The following TFAP2B variants were observed in gnomAD, a reference collection of about 807,000 sequenced individuals.
TFAP2B encodes the protein transcription factor AP-2 beta, also known as transcription factor AP-2-beta.
A neutral mutation model predicts 44.3 loss-of-function variants in TFAP2B; 9 were observed. That is an observed-to-expected ratio of 0.20 (90% CI 0.12 to 0.35). The LOEUF (loss-of-function observed/expected upper bound fraction) is 0.35. Among genes scored for constraint, TFAP2B ranks in the 10% least tolerant of loss-of-function variants. The pLI is 1.00. For synonymous variants in TFAP2B, 270 were observed against 263.8 expected, an observed-to-expected ratio of 1.02 and a Z score of -0.23; for missense variants, 509 against 600.0, an observed-to-expected ratio of 0.85 and a Z score of 1.59.
intron 2 of TFAP2B, among the ~76,000 whole-genome samples, chr6:50,826,676 G>T (rs1015891696): frequency 1.3e-5 from 2 of 151,760 alleles, no homozygotes; most frequent in African/African-American, 4.8e-5. Context: ...GGAGTGAAAG[G>T]ACACCTAGTT....
chr6:50,841,175 C>T (rs576532600), intron 6 of TFAP2B, among the ~76,000 whole-genome samples: 37 of 152,348 alleles, frequency 2.4e-4, no homozygotes, highest in Non-Finnish European at 4.9e-4. Context: ...TGCTTACAGA[C>T]CCTGGTTTGG....
intron 1 of TFAP2B, among the ~76,000 whole-genome samples, chr6:50,820,098 G>A (rs998313954): frequency 1.3e-5 from 2 of 152,214 alleles, no homozygotes; most frequent in Non-Finnish European, 2.9e-5. Flanking sequence ...GGCGAAGCGG[G>A]CCATGGAGAT....
intron 3 of TFAP2B, 89 bp from the exon 4 acceptor site, chr6:50,835,972 C>G: frequency 1.9e-6 from 2 of 1,054,044 alleles, no homozygotes; most frequent in Non-Finnish European, 3.0e-6. Context: ...GGTGTCTGTC[C>G]TGTGGCCTCA....
rs1581833538 is a variant in TFAP2B, at chr6:50,843,315, A to G, written c.1306A>G (p.Thr436Ala). ...KGMDKMFLNN[T>A]TTNRHTSGEG... ...CATGGACAAGATGTTCTTGAACAAC[A>G]CCACCACTAACAGGCACACGTCTGG... The change falls in exon 7 of 7, where the codon ACC becomes GCC. Residue 436 changes from threonine (T) to alanine (A), a missense_variant. Physicochemically the swap from Thr to Ala is moderately conservative, Grantham distance 58 (BLOSUM62 0). Coordinates refer to ENST00000393655, the MANE Select transcript of TFAP2B (RefSeq NM_003221.4). 1 of 1,614,076 alleles carries G rather than the reference A, an allele frequency of 6.2e-7. No individual in the cohort carries two copies. The highest frequency in any genetic ancestry group is 1.1e-5 in the South Asian group (1 of 91,094).
intron 3 of TFAP2B, 79 bp from the exon 4 acceptor site, chr6:50,835,982 A>G: frequency 8.5e-7 from 1 of 1,171,608 alleles, no homozygotes; most frequent in Non-Finnish European, 1.3e-6. Context: ...CTGTGGCCTC[A>G]CACAGAGACA....
At chr6:50,831,011 G>A (rs1015698828) in intron 3 of TFAP2B, among the ~76,000 whole-genome samples, 4 of 152,108 alleles carry the variant, frequency 2.6e-5, no homozygotes, top group African/African-American at 9.7e-5. Flanking sequence ...TAGGTTTGGG[G>A]GTCTCTGAGT....
chr6:50,842,014 C>G (rs535308981), intron 6 of TFAP2B, among the ~76,000 whole-genome samples: 1 of 152,346 alleles, frequency 6.6e-6, no homozygotes, highest in East Asian at 1.9e-4. Flanking sequence ...CCCTGTTTAC[C>G]TGTTGGCTAG....
intron 1 of TFAP2B, chr6:50,821,771 T>G (rs1770354577): frequency 4.4e-6 from 1 of 229,766 alleles, no homozygotes; most frequent in Admixed American, 5.1e-5. Flanking sequence ...GTAATATTAA[T>G]AGTCATGAAT....
chr6:50,832,230 G>T (rs893601397), intron 3 of TFAP2B, among the ~76,000 whole-genome samples: 10 of 152,132 alleles, frequency 6.6e-5, no homozygotes, highest in African/African-American at 1.9e-4. Flanking sequence ...CTCTTTCAAA[G>T]TCAGGTAGGT....
intron 2 of TFAP2B, among the ~76,000 whole-genome samples, chr6:50,826,903 T>A (rs1205748079): frequency 6.6e-6 from 1 of 152,166 alleles, no homozygotes; most frequent in Non-Finnish European, 1.5e-5. Context: ...GTCTGAGTTG[T>A]TTTTCTGCGC....
intron 1 of TFAP2B, chr6:50,822,079 A>C: frequency 8.3e-7 from 1 of 1,211,838 alleles, no homozygotes; most frequent in Non-Finnish European, 1.1e-6. Flanking sequence ...GGACTCCTTG[A>C]TTTTTTTTTT....
chr6:50,826,158 A>C (rs1263635994), intron 2 of TFAP2B, among the ~76,000 whole-genome samples: 1 of 152,140 alleles, frequency 6.6e-6, no homozygotes, highest in Non-Finnish European at 1.5e-5. Flanking sequence ...CAGCTATCGA[A>C]TGGGTGGCCT....
intron 2 of TFAP2B, among the ~76,000 whole-genome samples, chr6:50,826,589 G>GTA (rs1257077561): frequency 1.3e-5 from 2 of 150,888 alleles, no homozygotes; most frequent in African/African-American, 2.4e-5. Flanking sequence ...GCGCGCGCGT[G>GTA]TGTGTGTGTG....
At chr6:50,836,613 G>C (rs978426556) in intron 4 of TFAP2B, among the ~76,000 whole-genome samples, 14 of 152,296 alleles carry the variant, frequency 9.2e-5, no homozygotes, top group African/African-American at 3.1e-4. Context: ...GGACATCTCA[G>C]GGGGCATTCT....
intron 6 of TFAP2B, among the ~76,000 whole-genome samples, chr6:50,842,352 C>A (rs1762749744): frequency 6.6e-6 from 1 of 152,166 alleles, no homozygotes; most frequent in African/African-American, 2.4e-5. Context: ...GAAATAAAAA[C>A]CTTCAACAAA....
At chr6:50,822,315 G>C (rs1363644858) in intron 1 of TFAP2B, among the ~76,000 whole-genome samples, 3 of 152,004 alleles carry the variant, frequency 2.0e-5, no homozygotes, top group African/African-American at 7.3e-5. Flanking sequence ...ACCATAATTG[G>C]ACGAGGCTGC....
At chr6:50,829,075 CTCTT>C (rs1456493514) in intron 3 of TFAP2B, among the ~76,000 whole-genome samples, 30 of 152,298 alleles carry the variant, frequency 2.0e-4, no homozygotes, top group African/African-American at 7.0e-4. Context: ...ATTGAGATAG[CTCTT>C]TCTTCGTTTT....
chr6:50,819,870 GGAGAGGCGGC>G (rs1236676020), intron 1 of TFAP2B, among the ~76,000 whole-genome samples: 1 of 100,914 alleles, frequency 9.9e-6, no homozygotes, highest in African/African-American at 3.3e-5. Context: ...GGGCGAGGTG[GGAGAGGCGGC>G]CGAGGCGGGC....
At chr6:50,822,593 T>A (rs1432946164) in intron 1 of TFAP2B, among the ~76,000 whole-genome samples, 1 of 152,132 alleles carries the variant, frequency 6.6e-6, no homozygotes, top group Non-Finnish European at 1.5e-5. Flanking sequence ...TTGTCTGGGC[T>A]TTTATTTCCC....
Sources: allele counts gnomAD v4.1 joint callset (sites outside exome capture counted in the v4.1 genomes callset), GRCh38; gene constraint gnomAD v4.1.1; transcripts MANE v1.5; gene names NCBI Gene and HGNC (gene_info 2026-07-23, HGNC 2026-07-21).